The following CALN1 variants were observed in gnomAD, a reference collection of about 807,000 sequenced individuals.
CALN1 encodes the protein calcium-binding protein 8.
A neutral mutation model predicts 30.6 loss-of-function variants in CALN1; 17 were observed. The ratio of observed to expected loss-of-function variants is 0.56; its 90% CI spans 0.38 to 0.83. CALN1 has a LOEUF of 0.83. Ranked by LOEUF, CALN1 falls within the 40% of genes least tolerant of loss-of-function variation. CALN1 has a pLI of 0.00. For synonymous variants in CALN1, 156 were observed against 131.4 expected, an observed-to-expected ratio of 1.19 and a Z score of -1.28; for missense variants, 291 against 354.9, an observed-to-expected ratio of 0.82 and a Z score of 1.45.
intron 3 of CALN1, among the ~76,000 whole-genome samples, chr7:72,220,958 A>G (rs1793243309): frequency 6.6e-6 from 1 of 151,580 alleles, no homozygotes. Flanking sequence ...TTGTCAGATG[A>G]GTAGGTTGCA....
At chr7:71,856,182 G>T (rs1030902270) in intron 5 of CALN1, among the ~76,000 whole-genome samples, 1 of 151,418 alleles carries the variant, frequency 6.6e-6, no homozygotes, top group Non-Finnish European at 1.5e-5. Context: ...CTTGCCTGGG[G>T]TGATACATAT....
chr7:72,351,000 G>A (rs1385932540), intron 2 of CALN1, among the ~76,000 whole-genome samples: 1 of 152,012 alleles, frequency 6.6e-6, no homozygotes, highest in Non-Finnish European at 1.5e-5. Flanking sequence ...AATGAGCTGG[G>A]CGTGGTGGCA....
chr7:72,403,268 G>T lies in CALN1; in HGVS notation c.102C>A (p.Ala34=). ...GGGEEPPRSQ[A]PDFPTWEKMP... is the part of the protein sequence containing the mutation. ...AGACTTGCCAGGTGGGGAAGTCGGG[G>T]GCCTGGCTCCTCGGCGGCTCCTCTC... Residue 34 remains alanine (A), a synonymous_variant, in exon 2 of 7, where the codon GCC becomes GCA. Coordinates refer to ENST00000395275, the MANE Select transcript of CALN1 (RefSeq NM_031468.4). 6.5e-7 allele frequency: 1 copy of T among 1,549,836 alleles called. No individual in the cohort carries two copies. The highest frequency in any genetic ancestry group is 8.7e-7 in the Non-Finnish European group (1 of 1,146,830).
At chr7:72,407,651 G>A (rs891543558) in intron 1 of CALN1, among the ~76,000 whole-genome samples, 4 of 152,094 alleles carry the variant, frequency 2.6e-5, no homozygotes, top group Non-Finnish European at 5.9e-5. Flanking sequence ...GCAGAACCGT[G>A]AGCCCATTAA....
chr7:72,352,500 A>T (rs1802986201), intron 2 of CALN1, among the ~76,000 whole-genome samples: 1 of 152,112 alleles, frequency 6.6e-6, no homozygotes, highest in African/African-American at 2.4e-5. Flanking sequence ...AAGACACCTT[A>T]AAAATTCCCC....
chr7:72,201,921 A>T (rs1228439734), intron 3 of CALN1, among the ~76,000 whole-genome samples: 1 of 152,146 alleles, frequency 6.6e-6, no homozygotes, highest in Non-Finnish European at 1.5e-5. Flanking sequence ...GTTGGCAAGA[A>T]CTACGTCCGG....
intron 2 of CALN1, chr7:72,337,217 G>A: frequency 1.0e-6 from 1 of 985,166 alleles, no homozygotes; most frequent in South Asian, 4.7e-5. Context: ...CCAGGGCCTT[G>A]CCGCCGACAG....
intron 5 of CALN1, among the ~76,000 whole-genome samples, chr7:71,967,780 C>T (rs1481937572): frequency 6.6e-6 from 1 of 151,898 alleles, no homozygotes; most frequent in East Asian, 1.9e-4. Flanking sequence ...AAAGAATTTA[C>T]TAAAGTAAAT....
chr7:72,403,408 CTCA>C lies in CALN1; in HGVS notation c.-42_-40del. 5 of 1,493,994 alleles carry C rather than the reference CTCA, an allele frequency of 3.3e-6. No individual in the cohort carries two copies. Among genetic ancestry groups the C allele is most frequent in the East Asian group, 4.9e-5 (2 of 40,510 alleles). 92.5% of individuals were successfully genotyped at this position (1,493,994 alleles called of 1,614,324 possible). ...CGATGTTCTCAGAGAGAGTTAGAAGCTCATCAAAGGAACGTCAGCGAAGGCACT... is the reference window on the plus strand; with the variant it reads ...CGATGTTCTCAGAGAGAGTTAGAAGCTCAAAGGAACGTCAGCGAAGGCACT... On this transcript the variant is annotated 5_prime_UTR_variant, in exon 2 of 7. It removes an upstream start codon present in the reference 5' UTR. Transcript: ENST00000395275.
intron 5 of CALN1, among the ~76,000 whole-genome samples, chr7:71,843,579 T>C (rs1790067331): frequency 6.6e-6 from 1 of 152,070 alleles, no homozygotes; most frequent in Non-Finnish European, 1.5e-5. Context: ...GCTATGATTG[T>C]ACCACTGCAC....
chr7:72,344,129 G>C (rs542799943), intron 2 of CALN1, among the ~76,000 whole-genome samples: 6 of 152,170 alleles, frequency 3.9e-5, no homozygotes, highest in Non-Finnish European at 8.8e-5. Context: ...GGAAGAGAGA[G>C]ACAGGGAGAA....
At chr7:72,262,652 G>A (rs1796341464) in intron 3 of CALN1, among the ~76,000 whole-genome samples, 1 of 152,140 alleles carries the variant, frequency 6.6e-6, no homozygotes, top group Non-Finnish European at 1.5e-5. Context: ...ATGGCCTCCA[G>A]CTGCATCCAT....
At chr7:72,203,603 C>T (rs1049950381) in intron 3 of CALN1, among the ~76,000 whole-genome samples, 5 of 152,110 alleles carry the variant, frequency 3.3e-5, no homozygotes, top group African/African-American at 9.7e-5. Flanking sequence ...ACAGTCCACA[C>T]CAAGTTTTCC....
chr7:72,287,303 G>GT (rs1160430009), intron 2 of CALN1, among the ~76,000 whole-genome samples: 1 of 151,744 alleles, frequency 6.6e-6, no homozygotes, highest in Non-Finnish European at 1.5e-5. Flanking sequence ...AGAATATATT[G>GT]TATCATTGCT....
intron 5 of CALN1, among the ~76,000 whole-genome samples, chr7:71,881,821 C>A (rs35316447): frequency 0.12 from 17,517 of 151,828 alleles, 1,464 homozygotes; most frequent in East Asian, 0.43. Context: ...GCCTGTAATC[C>A]CAGCACTTTG....
intron 4 of CALN1, among the ~76,000 whole-genome samples, chr7:72,080,383 G>A (rs922053414): frequency 2.0e-5 from 3 of 152,210 alleles, no homozygotes; most frequent in African/African-American, 7.2e-5. Context: ...CCGTGTCACA[G>A]GGATTGATTT....
At chr7:72,076,164 A>T (rs1804711437) in intron 4 of CALN1, among the ~76,000 whole-genome samples, 1 of 152,130 alleles carries the variant, frequency 6.6e-6, no homozygotes, top group South Asian at 2.1e-4. Flanking sequence ...TGCAACAGCC[A>T]AAAAGAGCTA....
In CALN1 at chr7:71,847,746, G is replaced by GA. The variant is rs1562835397; in HGVS notation, c.502-37255dup. Among the ~76,000 whole-genome samples, 10 of 122,164 alleles carry GA rather than the reference G, an allele frequency of 8.2e-5. 1 individual carries two copies. The highest frequency in any genetic ancestry group is 2.5e-4 in the East Asian group (1 of 4,024). 80.1% of individuals were successfully genotyped at this position (122,164 alleles called of 152,430 possible). A position where few individuals can be genotyped will look rare whatever the true frequency, so the allele number is the denominator to read the frequency against. On this transcript the variant is annotated intron_variant, in intron 5 of 6. Coordinates refer to ENST00000395275, the MANE Select transcript of CALN1 (RefSeq NM_031468.4). The stretch of plus-strand genomic sequence containing the variant: ...AGAAGAAAGAAGAAAGAAGAAAGAA[G>GA]AAGAAAGAAGAAAGAAGAAGAAGAA...
At chr7:72,091,006 A>G (rs1005431688) in intron 4 of CALN1, among the ~76,000 whole-genome samples, 12 of 152,132 alleles carry the variant, frequency 7.9e-5, no homozygotes, top group Admixed American at 7.2e-4. Context: ...CCTAGTGTTC[A>G]GGAGCACAAT....
Sources: allele counts gnomAD v4.1 joint callset (sites outside exome capture counted in the v4.1 genomes callset), GRCh38; gene constraint gnomAD v4.1.1; transcripts MANE v1.5; gene names NCBI Gene and HGNC (gene_info 2026-07-23, HGNC 2026-07-21).